TLE1: variants seen among roughly 807,000 people sequenced by gnomAD.
TLE1 encodes TLE family member 1, transcriptional corepressor.
In TLE1, 21 loss-of-function variants were observed where a neutral mutation model predicts 89.8. That is an observed-to-expected ratio of 0.23 (90% confidence interval 0.17 to 0.34). The LOEUF is 0.34. Ranked by LOEUF, TLE1 falls within the 10% of genes least tolerant of loss-of-function variation. TLE1 has a pLI of 1.00. For missense variants in TLE1, 795 were observed against 1,031.2 expected (o/e 0.77, Z 3.14); for synonymous variants, 447 against 407.6 (o/e 1.10, Z -1.16).
intron 4 of TLE1, among the ~76,000 whole-genome samples, chr9:81,680,401 C>A (rs1402501757): frequency 2.0e-5 from 3 of 152,208 alleles, no homozygotes; most frequent in African/African-American, 7.2e-5. Context: ...ATTCCCAACT[C>A]CCCCTGTTGG....
chr9:81,597,281 A>T (rs1587896685), intron 14 of TLE1, among the ~76,000 whole-genome samples: 1 of 127,340 alleles, frequency 7.9e-6, no homozygotes, highest in Admixed American at 8.0e-5. Context: ...ACCACGACTT[A>T]AAAAAAAGCC....
chr9:81,654,903 C>T (rs977752327), intron 4 of TLE1, among the ~76,000 whole-genome samples: 4 of 152,146 alleles, frequency 2.6e-5, no homozygotes, highest in African/African-American at 9.7e-5. Flanking sequence ...GAAAACATGA[C>T]TAAAAACATT....
intron 4 of TLE1, among the ~76,000 whole-genome samples, chr9:81,662,164 G>A (rs575613414): frequency 1.9e-4 from 29 of 152,288 alleles, no homozygotes; most frequent in African/African-American, 1.4e-4. Flanking sequence ...ACCATCTACC[G>A]AGTTTTTGAG....
chr9:81,684,498 A>G (rs1420522848), intron 4 of TLE1, among the ~76,000 whole-genome samples: 1 of 152,214 alleles, frequency 6.6e-6, no homozygotes, highest in Non-Finnish European at 1.5e-5. Flanking sequence ...TTAAAAATCA[A>G]AGAGTGCGGA....
intron 14 of TLE1, among the ~76,000 whole-genome samples, chr9:81,607,752 A>C (rs1464503930): frequency 6.6e-6 from 1 of 152,122 alleles, no homozygotes; most frequent in African/African-American, 2.4e-5. Flanking sequence ...GCATTCCCAA[A>C]TTCCCAAGAA....
chr9:81,598,855 C>T (rs1210288370), intron 14 of TLE1, among the ~76,000 whole-genome samples: 1 of 152,174 alleles, frequency 6.6e-6, no homozygotes, highest in East Asian at 1.9e-4. Context: ...CTGGGCCCTT[C>T]CCAAGTAAGC....
chr9:81,661,584 T>C (rs564038183), intron 4 of TLE1, among the ~76,000 whole-genome samples: 2 of 152,288 alleles, frequency 1.3e-5, no homozygotes, highest in East Asian at 1.9e-4. Context: ...TCTGGTTTCT[T>C]TGAACCAAGC....
Position 81,652,299 on chromosome 9 carries a change from AAGG to A in TLE1, c.298-14_298-12del, listed in dbSNP as rs527351150. 6.2e-6 allele frequency: 10 copies of A among 1,611,800 alleles called. No individual in the cohort carries two copies. The highest frequency in any genetic ancestry group is 1.7e-5 in the Admixed American group (1 of 59,682). On this transcript the variant is annotated splice_polypyrimidine_tract_variant and intron_variant, in intron 5 of 19. Transcript: ENST00000376499. ...CACCTGTTGTTGATGCTTTGAAAACAAGGAGAAGAAAGGGCATTAGCAACAGCC... is the reference window on the plus strand; with the variant it reads ...CACCTGTTGTTGATGCTTTGAAAACAAGAAGAAAGGGCATTAGCAACAGCC...
intron 6 of TLE1, among the ~76,000 whole-genome samples, chr9:81,642,430 T>C (rs941314702): frequency 3.9e-5 from 6 of 151,950 alleles, no homozygotes; most frequent in African/African-American, 1.2e-4. Flanking sequence ...CAGTGGCTCA[T>C]GCCTGTAATC....
At chr9:81,619,364 T>C (rs979099764) in intron 9 of TLE1, among the ~76,000 whole-genome samples, 4 of 152,164 alleles carry the variant, frequency 2.6e-5, no homozygotes, top group Admixed American at 2.6e-4. Flanking sequence ...CATCTTAGCA[T>C]TGTGTCGAAG....
Position 81,634,203 on chromosome 9 carries a change from G to A in TLE1, c.471C>T (p.Pro157=), listed in dbSNP as rs536506845. 13 of 1,591,392 alleles carry A rather than the reference G, an allele frequency of 8.2e-6. No individual in the cohort carries two copies. The highest frequency in any genetic ancestry group is 3.4e-5 in the South Asian group (3 of 87,746). The part of the protein sequence containing the change: ...PSGLQPPGIP[P]LGGSAGLLAL... ...CAAGAAGGCCGGCACTGCCCCCGAG[G>A]GGCGGGATTCCAGGAGGCTGAAGTC... The change falls in exon 7 of 20, where the codon CCC becomes CCT. Residue 157 remains proline, a synonymous_variant. Coordinates refer to ENST00000376499, the MANE Select transcript of TLE1 (RefSeq NM_005077.5).
At chr9:81,634,747 G>A (rs749318353) in intron 6 of TLE1, among the ~76,000 whole-genome samples, 2 of 152,148 alleles carry the variant, frequency 1.3e-5, no homozygotes, top group Non-Finnish European at 2.9e-5. Flanking sequence ...TGTTTTCAGA[G>A]GGATTAAAAT....
rs756640367 is a variant in TLE1, at chr9:81,620,505, T to C, written c.647A>G (p.Asn216Ser). The change falls in exon 9 of 20, where the codon AAT (asparagine) becomes AGT (serine). Residue 216 changes from asparagine to serine, a missense_variant. By Grantham distance (46) the Asn-to-Ser change is conservative. Transcript: ENST00000376499. ...DSLRGTDKRR[N>S]GPEFSNDIKK... ...GATGTCATTGGAAAATTCAGGTCCA[T>C]TTCTGCGTTTATCTGTGCCTCTTAG... 6.2e-7 allele frequency: 1 copy of C among 1,614,132 alleles called. No individual in the cohort carries two copies. The highest frequency in any genetic ancestry group is 1.7e-5 in the Admixed American group (1 of 60,024).
At chr9:81,646,919 A>AT (rs1828926790) in intron 6 of TLE1, among the ~76,000 whole-genome samples, 1 of 152,226 alleles carries the variant, frequency 6.6e-6, no homozygotes, top group Non-Finnish European at 1.5e-5. Flanking sequence ...CAATAAACAG[A>AT]TTCCCATATA....
rs760300515 is a variant in TLE1, at chr9:81,652,198, C to A, written c.372+16G>T. ...GTTATACACACTGTAGGAGGTAGAC[C>A]TGGTAGGCCACGTACCCCGATGATG... On this transcript the variant is annotated intron_variant, in intron 6 of 19. Coordinates refer to ENST00000376499, the MANE Select transcript of TLE1 (RefSeq NM_005077.5). 1 of 1,612,890 alleles carries A rather than the reference C, an allele frequency of 6.2e-7. No individual in the cohort carries two copies.
At chr9:81,675,565 CCTCA>C (rs1363752194) in intron 4 of TLE1, among the ~76,000 whole-genome samples, 4 of 152,086 alleles carry the variant, frequency 2.6e-5, no homozygotes, top group African/African-American at 7.2e-5. Flanking sequence ...CAATAAAACT[CCTCA>C]CTAAGAACTC....
intron 6 of TLE1, 29 bp downstream of exon 6, chr9:81,652,185 G>A (rs772061478): frequency 1.2e-6 from 2 of 1,609,184 alleles, no homozygotes. Context: ...TATACACACT[G>A]TAGGAGGTAG....
chr9:81,585,716 G>A (rs561098966), intron 17 of TLE1, 61 bp from the exon 18 acceptor site: 23 of 1,579,894 alleles, frequency 1.5e-5, no homozygotes, highest in Middle Eastern at 1.7e-4. Flanking sequence ...AAGGGAAGAC[G>A]CAATGTGAAA....
chr9:81,687,602 G>A (rs887681409), intron 1 of TLE1, among the ~76,000 whole-genome samples, 168 bp from the exon 2 acceptor site: 1 of 152,156 alleles, frequency 6.6e-6, no homozygotes, highest in Admixed American at 6.5e-5. Flanking sequence ...GGGGAAAGCG[G>A]ACCCTCCCCG....
Sources: allele counts gnomAD v4.1 joint callset (sites outside exome capture counted in the v4.1 genomes callset), GRCh38; gene constraint gnomAD v4.1.1; transcripts MANE v1.5; gene names NCBI Gene and HGNC (gene_info 2026-07-23, HGNC 2026-07-21).